POF1B: variants seen among roughly 807,000 people sequenced by gnomAD.
The protein encoded by POF1B is protein POF1B.
In POF1B, 53 loss-of-function variants were observed where a neutral mutation model predicts 55.3. That is an observed-to-expected ratio of 0.96 (90% CI 0.77 to 1.20). The LOEUF is 1.20. POF1B is among the 50% of genes most tolerant of loss of function. POF1B has a pLI of 0.00. For synonymous variants in POF1B, 188 were observed against 148.3 expected (o/e 1.27, Z -1.95); for missense variants, 478 against 420.5 (o/e 1.14, Z -1.20).
At chrX:85,282,708 T>G (rs1241407492) in intron 15 of POF1B, among the ~76,000 whole-genome samples, 1 of 109,699 alleles carries the variant, frequency 9.1e-6, no homozygotes, top group Non-Finnish European at 1.9e-5. Context: ...GGTGATAAAG[T>G]TTAGAGTAAA....
At chrX:85,328,530 T>C (rs1247992345) in intron 7 of POF1B, among the ~76,000 whole-genome samples, 1 of 110,973 alleles carries the variant, frequency 9.0e-6, no homozygotes, top group African/African-American at 3.3e-5. Flanking sequence ...ATTACACATC[T>C]AGTGTTGAAA....
chrX:85,371,103 C>T (rs1185292469), intron 2 of POF1B, among the ~76,000 whole-genome samples: 2 of 111,100 alleles, frequency 1.8e-5, no homozygotes, highest in Non-Finnish European at 3.8e-5. Context: ...GGATTTTATT[C>T]CCATTTATAC....
rs1477510461 is a variant in POF1B at position 85,307,738 on chromosome X, A to T, written c.1050+386T>A. 2.7e-5 allele frequency among the ~76,000 whole-genome samples: 3 copies of T among 111,814 alleles called. No individual in the cohort carries two copies. In the Admixed American group the frequency reaches 2.9e-4, roughly 11 times the overall value. On this transcript the variant is annotated intron_variant, in intron 10 of 16. Transcript: ENST00000262753. The stretch of plus-strand genomic sequence containing the variant: ...TAAAATAGAAAATGGAAAAAAATTA[A>T]TTTTTTGGAGAAAAATGTTTTCAAG...
At chrX:85,332,581 T>C (rs184441542) in intron 6 of POF1B, among the ~76,000 whole-genome samples, 80 of 111,606 alleles carry the variant, frequency 7.2e-4, no homozygotes, top group African/African-American at 2.0e-3. Context: ...TGGATTTGAA[T>C]TTGACTACTG....
chrX:85,280,000 G>T (rs914218174), intron 16 of POF1B, among the ~76,000 whole-genome samples: 38 of 110,746 alleles, frequency 3.4e-4, no homozygotes, highest in Admixed American at 5.8e-4. Flanking sequence ...TTAATAATTA[G>T]TAGTAAGTAA....
chrX:85,319,619 G>A (rs1011665858), intron 7 of POF1B, among the ~76,000 whole-genome samples: 2 of 110,997 alleles, frequency 1.8e-5, no homozygotes, highest in African/African-American at 6.5e-5. Flanking sequence ...CGTATCTATC[G>A]AGTGATCATG....
intron 15 of POF1B, among the ~76,000 whole-genome samples, chrX:85,296,313 T>C (rs1932308588): frequency 8.9e-6 from 1 of 112,234 alleles, no homozygotes; most frequent in African/African-American, 3.2e-5. Context: ...GTAGCTTTGG[T>C]TGTGTAGTTG....
At chrX:85,343,026 A>AT (rs1485373177) in intron 6 of POF1B, among the ~76,000 whole-genome samples, 1 of 90,931 alleles carries the variant, frequency 1.1e-5, no homozygotes, top group Non-Finnish European at 2.1e-5. Flanking sequence ...TCCTTATAAA[A>AT]TATTGAAAAA....
chrX:85,307,314 A>C (rs363777), intron 10 of POF1B, 38 bp from the exon 11 acceptor site: 1 of 969,726 alleles, frequency 1.0e-6, no homozygotes. Flanking sequence ...TCAGAATTGC[A>C]AAAACTTAAC....
rs1335508617 is a variant in POF1B, at chrX:85,304,466, T to C, written c.1443A>G (p.Gln481=). The change falls in exon 14 of 17, where the codon CAA becomes CAG. Residue 481 remains glutamine, a synonymous_variant. Transcript: ENST00000262753. ...KDREICRLRS[Q]LNQYHKDVSK... The stretch of plus-strand genomic sequence containing the variant: ...AAACATCTTTATGGTACTGGTTTAA[T>C]TGGGACTAAGGATTTAAAAAGAAAT... 2.7e-6 allele frequency: 3 copies of C among 1,117,216 alleles called. No homozygotes were observed. The Admixed American group carries it at 7.8e-5, about 29-fold the overall frequency. 92.1% of individuals were successfully genotyped at this position (1,117,216 alleles called of 1,213,427 possible).
chrX:85,346,800 T>A (rs1162514878), intron 5 of POF1B, among the ~76,000 whole-genome samples: 1 of 110,699 alleles, frequency 9.0e-6, no homozygotes, highest in Non-Finnish European at 1.9e-5. Flanking sequence ...ATCATCATTG[T>A]CATAGTCATC....
At chrX:85,309,719 G>A (rs1234180263) in intron 9 of POF1B, among the ~76,000 whole-genome samples, 1 of 111,590 alleles carries the variant, frequency 9.0e-6, no homozygotes, top group African/African-American at 3.3e-5. Flanking sequence ...AAACACCACA[G>A]AAGAAATTGC....
Position 85,303,411 on chromosome X carries a change from A to G in POF1B, c.1644T>C (p.Thr548=), listed in dbSNP as rs147026080. 9.7e-4 allele frequency: 1,099 copies of G among 1,135,320 alleles called. 1 individual carries two copies. Among genetic ancestry groups the G allele is most frequent in the Non-Finnish European group, 1.2e-3 (1,026 of 839,291 alleles). The allele number at this position is 1,135,320 out of a possible 1,213,427, so 93.6% of individuals were successfully genotyped here. Residue 548 remains threonine, a synonymous_variant, in exon 15 of 17, where the codon ACT becomes ACC. Coordinates refer to ENST00000262753, the MANE Select transcript of POF1B (RefSeq NM_024921.4). The part of the protein sequence containing the change: ...PSTGGRTTIT[T]KKYRTQYPIL... ...TTCATTTAAAAATACATTACTTTTT[A>G]GTGGTAATAGTAGTCCTTCCACCAG...
At chrX:85,287,718 G>C (rs1293891464) in intron 15 of POF1B, among the ~76,000 whole-genome samples, 2 of 111,046 alleles carry the variant, frequency 1.8e-5, no homozygotes, top group Non-Finnish European at 3.8e-5. Flanking sequence ...AAAATAGTAG[G>C]GCATACTTCT....
chrX:85,379,048 G>C, intron 2 of POF1B, 125 bp downstream of exon 2: 1 of 775,096 alleles, frequency 1.3e-6, no homozygotes, highest in Admixed American at 3.4e-5. Flanking sequence ...GACTATCCAA[G>C]GCATATATAA....
chrX:85,367,402 C>T (rs1236111862), intron 3 of POF1B, among the ~76,000 whole-genome samples: 3 of 111,825 alleles, frequency 2.7e-5, no homozygotes. Context: ...AATCTGAGAT[C>T]TAGCTATTTC....
chrX:85,331,637 C>A (rs1159589083), intron 6 of POF1B, among the ~76,000 whole-genome samples: 1 of 110,539 alleles, frequency 9.0e-6, no homozygotes, highest in African/African-American at 3.3e-5. Context: ...GAGTAAATTT[C>A]TGTTAGCTAT....
rs143332535 is a variant in POF1B, at chrX:85,293,778, G to A, written c.1649+9628C>T. On this transcript the variant is annotated intron_variant, in intron 15 of 16. Transcript: ENST00000262753. Reference sequence around the variant, plus strand: ...CCCTGAGGTCAGGAGTTCAAGACCAGCCTGGCCAACATGGTGAAACCCTGT... The same window carrying A: ...CCCTGAGGTCAGGAGTTCAAGACCAACCTGGCCAACATGGTGAAACCCTGT... Among the ~76,000 whole-genome samples, 875 of 111,444 alleles carry A rather than the reference G, an allele frequency of 7.9e-3. 11 individuals are homozygous for A. The highest frequency in any genetic ancestry group is 0.027 in the African/African-American group (827 of 30,701).
At chrX:85,319,821 C>A (rs749623415) in intron 7 of POF1B, among the ~76,000 whole-genome samples, 1 of 111,244 alleles carries the variant, frequency 9.0e-6, no homozygotes, top group South Asian at 3.8e-4. Context: ...GGATATTGGC[C>A]TTAAGTTTTA....
Sources: gnomAD v4.1 joint callset for allele counts (sites outside exome capture counted in the v4.1 genomes callset) on GRCh38, gnomAD v4.1.1 for gene constraint, MANE v1.5 for transcripts, NCBI Gene and HGNC (gene_info 2026-07-23, HGNC 2026-07-21) for gene names.